CNIH3: variants seen among roughly 807,000 people sequenced by gnomAD.
CNIH3 encodes the protein protein cornichon homolog 3.
In CNIH3, 14 loss-of-function variants were observed where a neutral mutation model predicts 24.1. The ratio of observed to expected loss-of-function variants is 0.58; its 90% CI spans 0.38 to 0.91. The LOEUF (loss-of-function observed/expected upper bound fraction) is 0.91. Ranked by LOEUF, CNIH3 falls within the 40% of genes least tolerant of loss-of-function variation. CNIH3 has a pLI of 0.00. For missense variants in CNIH3, 178 were observed against 196.8 expected, an observed-to-expected ratio of 0.90 and a Z score of 0.57; for synonymous variants, 68 against 73.8, an observed-to-expected ratio of 0.92 and a Z score of 0.40.
intron 5 of CNIH3, among the ~76,000 whole-genome samples, chr1:224,735,804 C>A (rs923429801): frequency 6.6e-6 from 1 of 151,866 alleles, no homozygotes; most frequent in Non-Finnish European, 1.5e-5. Context: ...GTGTGTGTCA[C>A]CATGCCCGGC....
intron 1 of CNIH3, among the ~76,000 whole-genome samples, chr1:224,491,807 C>T (rs1677246867): frequency 6.6e-6 from 1 of 152,128 alleles, no homozygotes; most frequent in South Asian, 2.1e-4. Context: ...GGGGTTTCAC[C>T]ATGTTGCCCA....
At chr1:224,534,988 A>T (rs1167517274) in intron 2 of CNIH3, among the ~76,000 whole-genome samples, 2 of 151,730 alleles carry the variant, frequency 1.3e-5, no homozygotes, top group African/African-American at 4.9e-5. Flanking sequence ...GTACTCATAG[A>T]CACCTACCGG....
chr1:224,596,404 C>T (rs1383589092), intron 3 of CNIH3, among the ~76,000 whole-genome samples: 3 of 152,204 alleles, frequency 2.0e-5, no homozygotes, highest in Non-Finnish European at 4.4e-5. Context: ...AAAAAAGATT[C>T]CTTTCAAAAT....
At chr1:224,443,707 A>T (rs796799884) in intron 1 of CNIH3, among the ~76,000 whole-genome samples, 6,938 of 147,004 alleles carry the variant, frequency 0.047, 210 homozygotes, top group African/African-American at 0.094. Flanking sequence ...AGATATATAT[A>T]TATATTTTTT....
intron 4 of CNIH3, among the ~76,000 whole-genome samples, chr1:224,582,594 A>G (rs1044542758): frequency 7.2e-5 from 11 of 152,208 alleles, no homozygotes; most frequent in Non-Finnish European, 7.3e-5. Context: ...TTATTCACCC[A>G]AATTCTTCTT....
intron 1 of CNIH3, among the ~76,000 whole-genome samples, chr1:224,520,833 G>GTATATACAGC (rs1678596227): frequency 6.6e-6 from 1 of 152,178 alleles, no homozygotes; most frequent in Non-Finnish European, 1.5e-5. Context: ...GAGAGTTAGA[G>GTATATACAGC]TATATACAGC....
At chr1:224,492,135 T>A (rs1342612378) in intron 1 of CNIH3, among the ~76,000 whole-genome samples, 1 of 152,210 alleles carries the variant, frequency 6.6e-6, no homozygotes, top group African/African-American at 2.4e-5. Flanking sequence ...TGGAAATACT[T>A]TATAATGGTG....
At chr1:224,463,184 C>G (rs1435117389) in intron 1 of CNIH3, among the ~76,000 whole-genome samples, 4 of 152,180 alleles carry the variant, frequency 2.6e-5, no homozygotes, top group Admixed American at 6.5e-5. Flanking sequence ...GCGTGAGGCA[C>G]TGTGCCTGGC....
chr1:224,506,271 G>GCA (rs759588529), intron 1 of CNIH3, among the ~76,000 whole-genome samples: 16 of 117,350 alleles, frequency 1.4e-4, no homozygotes, highest in Admixed American at 4.1e-4. Flanking sequence ...GCACGCACAC[G>GCA]CGCGCGCGCG....
At chr1:224,711,411 A>G (rs895082074) in intron 3 of CNIH3, among the ~76,000 whole-genome samples, 1 of 150,266 alleles carries the variant, frequency 6.7e-6, no homozygotes, top group Non-Finnish European at 1.5e-5. Context: ...GTCTTGAGCT[A>G]CTGGGCTCAA....
intron 1 of CNIH3, among the ~76,000 whole-genome samples, chr1:224,462,991 C>A (rs1367650662): frequency 2.0e-5 from 3 of 149,850 alleles, no homozygotes; most frequent in Non-Finnish European, 3.0e-5. Context: ...ACCTGCACCT[C>A]CTGGGTTCAA....
rs1052918977 is a variant in CNIH3, at chr1:224,435,017, T to A, written n.203+155T>A. The stretch of plus-strand genomic sequence containing the variant: ...CCTATCCCCGGCCCCGCTCGGGCCT[T>A]TCCCCTTGCGCCCTGGCTCGGCTGG... On this transcript the variant is annotated intron_variant and non_coding_transcript_variant, in intron 1 of 5. Coordinates refer to the CNIH3 transcript ENST00000471578. The A allele has an allele frequency of 5.1e-6, 5 of 985,430 alleles. No homozygotes were observed. In the Admixed American group the frequency reaches 2.5e-4, roughly 48 times the overall value. The allele number at this position is 985,430 out of a possible 1,614,324, so 61.0% of individuals were successfully genotyped here.
chr1:224,503,316 G>T (rs916621097), intron 1 of CNIH3, among the ~76,000 whole-genome samples: 1 of 152,180 alleles, frequency 6.6e-6, no homozygotes. Flanking sequence ...TCCTTCCCTT[G>T]TCGGTCTTTT....
intron 1 of CNIH3, among the ~76,000 whole-genome samples, chr1:224,635,785 T>C (rs879817296): frequency 3.3e-5 from 5 of 152,194 alleles, no homozygotes; most frequent in Non-Finnish European, 7.3e-5. Flanking sequence ...CACTCTCACC[T>C]TGAACTCCTG....
intron 3 of CNIH3, among the ~76,000 whole-genome samples, chr1:224,702,098 T>C (rs940884367): frequency 6.6e-6 from 1 of 152,154 alleles, no homozygotes; most frequent in Admixed American, 6.5e-5. Flanking sequence ...TCAGTTTTTT[T>C]TTTGTTTCTC....
chr1:224,582,696 A>G (rs1227969543), intron 4 of CNIH3, among the ~76,000 whole-genome samples: 2 of 152,202 alleles, frequency 1.3e-5, no homozygotes, highest in East Asian at 3.8e-4. Flanking sequence ...AGGAATCAGA[A>G]GGTGTTCCAA....
intron 4 of CNIH3, among the ~76,000 whole-genome samples, chr1:224,568,958 C>T (rs192097612): frequency 2.6e-3 from 398 of 152,156 alleles, no homozygotes; most frequent in African/African-American, 3.3e-3. Context: ...CTGCAACCTC[C>T]GCCTCCCAGG....
chr1:224,526,951 A>G (rs1678870639), intron 2 of CNIH3, among the ~76,000 whole-genome samples: 1 of 152,180 alleles, frequency 6.6e-6, no homozygotes, highest in African/African-American at 2.4e-5. Flanking sequence ...CTCACTCACT[A>G]TCACGAGGAA....
chr1:224,719,962 A>G (rs887324277), intron 3 of CNIH3, among the ~76,000 whole-genome samples: 1 of 151,904 alleles, frequency 6.6e-6, no homozygotes, highest in Non-Finnish European at 1.5e-5. Flanking sequence ...AATTCAGACA[A>G]CCCCCTCTGC....
Sources: gnomAD v4.1 joint callset for allele counts (sites outside exome capture counted in the v4.1 genomes callset) on GRCh38, gnomAD v4.1.1 for gene constraint, MANE v1.5 for transcripts, NCBI Gene and HGNC (gene_info 2026-07-23, HGNC 2026-07-21) for gene names.